GPSM1: variants seen among roughly 807,000 people sequenced by gnomAD.
The protein encoded by GPSM1 is G protein signaling modulator 1.
In GPSM1, 48 loss-of-function variants were observed where a neutral mutation model predicts 70.5. The observed-to-expected ratio is 0.68, with a 90% CI of 0.54 to 0.87. The LOEUF is 0.87. GPSM1 is among the 40% of genes least tolerant of loss of function. The pLI is 0.00. For missense variants in GPSM1, 981 were observed against 972.6 expected, an observed-to-expected ratio of 1.01 and a Z score of -0.11; for synonymous variants, 416 against 430.1, an observed-to-expected ratio of 0.97 and a Z score of 0.41.
At chr9:136,353,450 G>A (rs1222766749) in intron 11 of GPSM1, among the ~76,000 whole-genome samples, 3 of 152,192 alleles carry the variant, frequency 2.0e-5, no homozygotes, top group African/African-American at 7.2e-5. Context: ...TGGCCTTGGG[G>A]CCCAGGGTCC....
rs1554768075 is a variant in GPSM1 at position 136,327,774 on chromosome 9, C to A, written c.68+11C>A. On this transcript the variant is annotated intron_variant, in intron 1 of 13. Coordinates refer to ENST00000440944, the MANE Select transcript of GPSM1 (RefSeq NM_001145638.3). ...GCGCCTCTACTCCAGGTAGGACGGG[C>A]CGGGGCCGGGGCCGGGGCCGGGGCT... 1.0e-6 allele frequency: 1 copy of A among 981,080 alleles called. No individual in the cohort carries two copies. The highest frequency in any genetic ancestry group is 1.3e-6 in the Non-Finnish European group (1 of 774,342). The allele number at this position is 981,080 out of a possible 1,614,324, so 60.8% of individuals were successfully genotyped here.
In GPSM1 at chr9:136,358,379, CGTGGTGGGAGGGCGTGCTT is replaced by C. The variant is rs1564361249; in HGVS notation, c.*160_*178del. The C allele has an allele frequency of 3.3e-4, 230 of 690,800 alleles. No individual in the cohort carries two copies. Among genetic ancestry groups the C allele is most frequent in the Non-Finnish European group, 5.1e-4 (215 of 420,382 alleles). The allele number at this position is 690,800 out of a possible 1,614,324, so 42.8% of individuals were successfully genotyped here. A position where few individuals can be genotyped will look rare whatever the true frequency, so the allele number is the denominator to read the frequency against. On this transcript the variant is annotated 3_prime_UTR_variant, in exon 14 of 14. Transcript: ENST00000440944. ...GGCGACAGGCTCAGGCCAAGCTGCC[CGTGGTGGGAGGGCGTGCTT>C]CCATCCCGGGCTGGCCCCCATGGCC... is the stretch of plus-strand genomic sequence containing the variant.
intron 1 of GPSM1, among the ~76,000 whole-genome samples, chr9:136,331,222 A>G (rs1832090336): frequency 6.6e-6 from 1 of 152,110 alleles, no homozygotes. Context: ...CCCAAGCCCC[A>G]CGACCTGGGG....
chr9:136,339,457 C>G (rs1410356420), intron 7 of GPSM1, among the ~76,000 whole-genome samples: 1 of 152,212 alleles, frequency 6.6e-6, no homozygotes, highest in Non-Finnish European at 1.5e-5. Context: ...TGCTTGGACT[C>G]TGCGCTAATC....
chr9:136,357,743 T>C (rs532402855), intron 13 of GPSM1, among the ~76,000 whole-genome samples: 21 of 152,194 alleles, frequency 1.4e-4, no homozygotes, highest in Non-Finnish European at 2.5e-4. Flanking sequence ...GGCACACCCA[T>C]GCCCAGTGGG....
chr9:136,329,718 T>C (rs1055578961), intron 1 of GPSM1, among the ~76,000 whole-genome samples: 5 of 152,106 alleles, frequency 3.3e-5, no homozygotes, highest in Non-Finnish European at 7.3e-5. Flanking sequence ...GAACTGTGCC[T>C]GGAAAACACA....
chr9:136,354,764 G>T (rs1233185681), intron 11 of GPSM1: 6 of 943,802 alleles, frequency 6.4e-6, no homozygotes, highest in African/African-American at 5.3e-5. Flanking sequence ...CCAGGGCGGG[G>T]TTCATTCCTT....
chr9:136,351,154 G>T (rs561381206), intron 11 of GPSM1, among the ~76,000 whole-genome samples: 2 of 152,334 alleles, frequency 1.3e-5, no homozygotes, highest in East Asian at 3.9e-4. Flanking sequence ...GCCCCCCGAG[G>T]CTGCCCAAGC....
chr9:136,349,443 C>A, intron 10 of GPSM1, 144 bp from the exon 11 acceptor site: 1 of 742,828 alleles, frequency 1.3e-6, no homozygotes, highest in Non-Finnish European at 2.1e-6. Context: ...GCCCACAGCC[C>A]CAGTCCTCTC....
intron 1 of GPSM1, among the ~76,000 whole-genome samples, chr9:136,332,662 G>A (rs1832129219): frequency 6.6e-6 from 1 of 152,062 alleles, no homozygotes; most frequent in African/African-American, 2.4e-5. Flanking sequence ...TCATGGCGAC[G>A]GTGGGCTCCT....
At chr9:136,337,787 G>A (rs953618242) in intron 5 of GPSM1, 59 bp from the exon 6 acceptor site, 41 of 1,344,214 alleles carry the variant, frequency 3.1e-5, no homozygotes, top group Non-Finnish European at 3.6e-5. Flanking sequence ...GCCCCTGTCC[G>A]CCCACGTCAG....
intron 11 of GPSM1, among the ~76,000 whole-genome samples, 161 bp downstream of exon 11, chr9:136,349,924 G>A (rs28445975): frequency 5.9e-5 from 9 of 152,246 alleles, no homozygotes; most frequent in South Asian, 2.1e-4. Flanking sequence ...CTGGGACCCC[G>A]GTGGGGGCTC....
In GPSM1 at chr9:136,341,129, T is replaced by C. The variant is rs1468731213; in HGVS notation, c.1207+136T>C. 1.3e-6 allele frequency: 2 copies of C among 1,550,018 alleles called. No individual in the cohort carries two copies. The highest frequency in any genetic ancestry group is 8.7e-7 in the Non-Finnish European group (1 of 1,146,810). On this transcript the variant is annotated intron_variant, in intron 9 of 13. Coordinates refer to ENST00000440944, the MANE Select transcript of GPSM1 (RefSeq NM_001145638.3). This position sits in a 1 kb window ranked among gnomAD's most constrained non-coding sequence, Gnocchi z 6.7. ...CAGAAAATGGCGCCTACAAGCCAGT[T>C]CTTCTTGGCCTCAGGGACAGCACAG...
chr9:136,358,446 C>G lies in GPSM1; in HGVS notation c.*226C>G. ...GCCCTCAGCTTCCTCCCTTCTGCCC[C>G]TGCCGCAGGCCGGACGGGGCCTTCG... On this transcript the variant is annotated 3_prime_UTR_variant, in exon 14 of 14. Coordinates refer to ENST00000440944, the MANE Select transcript of GPSM1 (RefSeq NM_001145638.3). The G allele has an allele frequency of 1.8e-6, 1 of 567,020 alleles. No individual in the cohort carries two copies. The highest frequency in any genetic ancestry group is 3.1e-6 in the Non-Finnish European group (1 of 325,790). 35.1% of individuals were successfully genotyped at this position (567,020 alleles called of 1,614,324 possible).
At position 136,341,199 on chromosome 9, in the gene GPSM1, C is replaced by G. The variant is rs371488586; in HGVS notation, c.1207+206C>G. On this transcript the variant is annotated intron_variant, in intron 9 of 13. Coordinates refer to ENST00000440944, the MANE Select transcript of GPSM1 (RefSeq NM_001145638.3). This position sits in a 1 kb window ranked among gnomAD's most constrained non-coding sequence, Gnocchi z 6.7. ...CCCTTCCCACCCGCATCCTGAGTGG[C>G]GCTGCAGGGCTGCTGGATGAAGGAC... 3 of 1,540,310 alleles carry G rather than the reference C, an allele frequency of 1.9e-6. No homozygotes were observed. The highest frequency in any genetic ancestry group is 4.0e-5 in the Admixed American group (2 of 49,584).
At chr9:136,353,393 C>T (rs1032970315) in intron 11 of GPSM1, among the ~76,000 whole-genome samples, 9 of 152,136 alleles carry the variant, frequency 5.9e-5, no homozygotes, top group Non-Finnish European at 7.4e-5. Context: ...GGCGGAACCC[C>T]GAGTCCCACT....
intron 1 of GPSM1, among the ~76,000 whole-genome samples, chr9:136,333,158 T>C (rs1554768717): frequency 6.6e-6 from 1 of 152,218 alleles, no homozygotes; most frequent in African/African-American, 2.4e-5. Context: ...GCTCCAGCTG[T>C]GCCTGCCACC....
In GPSM1 at chr9:136,338,668, A is replaced by G; in HGVS notation, c.932A>G (p.Tyr311Cys). Residue 311 changes from tyrosine to cysteine, a missense_variant, in exon 7 of 14, where the codon TAC becomes TGC. Physicochemically the swap from Tyr to Cys is radical, Grantham distance 194 (BLOSUM62 -2). Transcript: ENST00000440944. Reference sequence around the variant, plus strand: ...CAGGACTACGAGCGCGCGGCCGAGTACCACCTGCGGCACCTGCTCATTGCC... The same window carrying G: ...CAGGACTACGAGCGCGCGGCCGAGTGCCACCTGCGGCACCTGCTCATTGCC... ...LLQDYERAAE[Y>C]HLRHLLIAQE... 1 of 1,576,538 alleles carries G rather than the reference A, an allele frequency of 6.3e-7. No homozygotes were observed. Among genetic ancestry groups the G allele is most frequent in the Non-Finnish European group, 8.6e-7 (1 of 1,162,612 alleles).
In GPSM1 at chr9:136,343,315, G is replaced by A. The variant is rs370222091; in HGVS notation, c.1207+2322G>A. On this transcript the variant is annotated intron_variant, in intron 9 of 13. Transcript: ENST00000440944. The surrounding 1 kb of genome is among the most constrained non-coding windows in gnomAD (Gnocchi z 6.0). ...GACGGAGGCTCTGCTGCCACTCTTG[G>A]TGCGGGCAGCATGATTGGCATGTTG... is the stretch of plus-strand genomic sequence containing the variant. 7.9e-5 allele frequency among the ~76,000 whole-genome samples: 12 copies of A among 152,076 alleles called. No individual in the cohort carries two copies. Among genetic ancestry groups the A allele is most frequent in the African/African-American group, 2.7e-4 (11 of 41,396 alleles).
Sources: gnomAD v4.1 joint callset for allele counts (sites outside exome capture counted in the v4.1 genomes callset) on GRCh38, gnomAD v4.1.1 for gene constraint, Gnocchi (gnomAD v3.1) non-coding constraint, MANE v1.5 for transcripts, NCBI Gene and HGNC (gene_info 2026-07-23, HGNC 2026-07-21) for gene names.